CPSF3: variants seen among roughly 807,000 people sequenced by gnomAD.
The protein encoded by CPSF3 is cleavage and polyadenylation specificity factor subunit 3.
Under a neutral mutation model 84.1 loss-of-function variants are expected in CPSF3, and 57 were observed. The observed-to-expected ratio is 0.68, with a 90% CI of 0.55 to 0.85. The LOEUF is 0.85. Ranked by LOEUF, CPSF3 falls within the 40% of genes least tolerant of loss-of-function variation. CPSF3 has a pLI of 0.00. For synonymous variants in CPSF3, 275 were observed against 278.1 expected, an observed-to-expected ratio of 0.99 and a Z score of 0.11; for missense variants, 522 against 838.8, an observed-to-expected ratio of 0.62 and a Z score of 4.66.
chr2:9,428,878 G>A, intron 2 of CPSF3, 50 bp downstream of exon 2: 1 of 1,117,444 alleles, frequency 8.9e-7, no homozygotes, highest in South Asian at 1.3e-5. Context: ...TGTCTGTATT[G>A]GGTGTTAGTC....
chr2:9,432,641 C>A lies in CPSF3; in HGVS notation c.472C>A (p.His158Asn). The A allele has an allele frequency of 6.4e-7, 1 of 1,574,708 alleles. No individual in the cohort carries two copies. The highest frequency in any genetic ancestry group is 1.2e-5 in the South Asian group (1 of 86,388). Residue 158 changes from histidine to asparagine, a missense_variant, in exon 5 of 18, where the codon CAC (histidine) becomes AAC (asparagine). Around this residue, in one of 2 missense-constraint regions of CPSF3, gnomAD observed 329 missense variants for 607.2 expected, o/e 0.54. Transcript: ENST00000238112. ...GIKFWCYHAGHVLGAAMFMIE... is the reference protein window; with the variant it reads ...GIKFWCYHAGNVLGAAMFMIE... ...CAAGTTTTGGTGTTACCATGCAGGT[C>A]ACGTCCTAGGAGCCGCCATGTTCAT...
intron 15 of CPSF3, among the ~76,000 whole-genome samples, chr2:9,466,312 T>A (rs56313018): frequency 3.8e-4 from 20 of 52,180 alleles, no homozygotes; most frequent in African/African-American, 6.7e-4. Context: ...ACACGCACAC[T>A]GACGCACGCA....
chr2:9,444,163 T>TA (rs1681051098), intron 10 of CPSF3, among the ~76,000 whole-genome samples: 1 of 143,630 alleles, frequency 7.0e-6, no homozygotes, highest in Non-Finnish European at 1.5e-5. Flanking sequence ...TATATATTTT[T>TA]TTTTTTTTTG....
Position 9,429,927 on chromosome 2 carries a change from A to G in CPSF3, c.119A>G (p.Asp40Gly). The change falls in exon 3 of 18, where the codon GAC becomes GGC. Residue 40 changes from aspartate (D) to glycine (G), a missense_variant. By Grantham distance (94) the Asp-to-Gly change is moderately conservative. Transcript: ENST00000238112. ...LEFKGRKIMLDCGIHPGLEGM... is the reference protein window; with the variant it reads ...LEFKGRKIMLGCGIHPGLEGM... ...CTCTTTTCCTGTTTCTTTCAGCTCG[A>G]CTGTGGGATCCACCCTGGCCTAGAA... 1 of 1,592,980 alleles carries G rather than the reference A, an allele frequency of 6.3e-7. No individual in the cohort carries two copies. Among genetic ancestry groups the G allele is most frequent in the Non-Finnish European group, 8.5e-7 (1 of 1,171,284 alleles).
At chr2:9,431,855 G>T (rs67261055) in intron 4 of CPSF3, among the ~76,000 whole-genome samples, 45,558 of 151,942 alleles carry the variant, frequency 0.3, 7,743 homozygotes, top group Middle Eastern at 0.4. Context: ...CCAGCCGGGA[G>T]ATAAATATAT....
At chr2:9,436,773 A>AT (rs1363786151) in intron 7 of CPSF3, among the ~76,000 whole-genome samples, 16 of 146,756 alleles carry the variant, frequency 1.1e-4, no homozygotes, top group Admixed American at 2.0e-4. Context: ...TCCATCTCAA[A>AT]AAATAATAAT....
intron 11 of CPSF3, among the ~76,000 whole-genome samples, chr2:9,452,317 C>T (rs893171067): frequency 1.7e-4 from 24 of 139,274 alleles, no homozygotes; most frequent in African/African-American, 5.8e-4. Context: ...GACAGTGAGA[C>T]ACTGTCTCAA....
Position 9,443,535 on chromosome 2 carries a change from A to G in CPSF3, c.1116A>G (p.Glu372=). The change falls in exon 10 of 18, where the codon GAA becomes GAG. Residue 372 remains glutamate (E), a synonymous_variant. Coordinates refer to ENST00000238112, the MANE Select transcript of CPSF3 (RefSeq NM_016207.4). ...CACAGCACATCATGTCTGAACCTGA[A>G]GAAATCACTACTATGTCTGGACAGA... is the stretch of plus-strand genomic sequence containing the variant. The part of the protein sequence containing the change: ...TLAKHIMSEP[E]EITTMSGQKL... The G allele has an allele frequency of 6.2e-7, 1 of 1,613,790 alleles. No homozygotes were observed. Among genetic ancestry groups the G allele is most frequent in the Non-Finnish European group, 8.5e-7 (1 of 1,179,726 alleles).
At chr2:9,467,658 T>C (rs1333464867) in intron 15 of CPSF3, 49 bp from the exon 16 acceptor site, 3 of 1,365,450 alleles carry the variant, frequency 2.2e-6, no homozygotes, top group Non-Finnish European at 3.1e-6. Flanking sequence ...GAAATTATTC[T>C]GAATAGGAAT....
At chr2:9,466,366 ACACACCCACGCACTCGCACACACGCG>A (rs1681969903) in intron 15 of CPSF3, among the ~76,000 whole-genome samples, 1 of 146,294 alleles carries the variant, frequency 6.8e-6, no homozygotes, top group African/African-American at 2.5e-5. Flanking sequence ...ACACACACGC[ACACACCCACGCACTCGCACACACGCG>A]CACACACACG....
intron 15 of CPSF3, among the ~76,000 whole-genome samples, chr2:9,460,826 A>G (rs565897052): frequency 2.6e-5 from 4 of 151,892 alleles, no homozygotes; most frequent in African/African-American, 9.7e-5. Context: ...ACATGTTTTG[A>G]GCTGTGAGTC....
At chr2:9,448,560 T>TGTG (rs1558457863) in intron 11 of CPSF3, among the ~76,000 whole-genome samples, 4 of 151,894 alleles carry the variant, frequency 2.6e-5, no homozygotes, top group African/African-American at 9.7e-5. Context: ...ATTAGATTTT[T>TGTG]TGTGTGTGTG....
intron 15 of CPSF3, among the ~76,000 whole-genome samples, chr2:9,460,679 C>CTTTT (rs529125315): frequency 9.4e-5 from 13 of 137,694 alleles, no homozygotes; most frequent in East Asian, 2.1e-4. Flanking sequence ...TTCTTTCTTT[C>CTTTT]TTTTTTTTTT....
intron 8 of CPSF3, 71 bp from the exon 9 acceptor site, chr2:9,441,747 T>C: frequency 6.7e-7 from 1 of 1,484,990 alleles, no homozygotes; most frequent in Non-Finnish European, 9.3e-7. Flanking sequence ...TTTGTTATTC[T>C]TTAAAAAGAA....
intron 15 of CPSF3, among the ~76,000 whole-genome samples, chr2:9,459,922 A>G (rs1033677589): frequency 3.9e-5 from 6 of 151,994 alleles, no homozygotes; most frequent in Admixed American, 3.9e-4. Flanking sequence ...TGCTGGGATT[A>G]CAAGTGTGAG....
intron 15 of CPSF3, among the ~76,000 whole-genome samples, chr2:9,462,506 G>C (rs1036889793): frequency 1.3e-5 from 2 of 152,164 alleles, no homozygotes; most frequent in African/African-American, 4.8e-5. Flanking sequence ...CAGAGATGTT[G>C]TCAGGATGTC....
At chr2:9,454,254 A>G (rs996745963) in intron 12 of CPSF3, among the ~76,000 whole-genome samples, 1 of 151,944 alleles carries the variant, frequency 6.6e-6, no homozygotes, top group Non-Finnish European at 1.5e-5. Context: ...CTAAAAATAC[A>G]AAAATTAGCT....
intron 10 of CPSF3, 58 bp from the exon 11 acceptor site, chr2:9,448,140 G>T (rs1203407209): frequency 1.1e-6 from 1 of 932,106 alleles, no homozygotes; most frequent in Non-Finnish European, 1.6e-6. Context: ...TCAACTTAAG[G>T]ACCATGATTA....
chr2:9,471,775 TC>T lies in CPSF3; in HGVS notation c.1953+338del, dbSNP rs1479009369. Among the ~76,000 whole-genome samples the T allele has an allele frequency of 2.0e-5, 3 of 151,674 alleles. No homozygotes were observed. The South Asian group carries it at 6.2e-4, about 32-fold the overall frequency. ...CGCTCTTCTGTTTGCACCAGCAAGATCCAAGTGGATTTTCCAAACAGTTCAA... is the reference window on the plus strand; with the variant it reads ...CGCTCTTCTGTTTGCACCAGCAAGATCAAGTGGATTTTCCAAACAGTTCAA... On this transcript the variant is annotated intron_variant, in intron 17 of 17. Transcript: ENST00000238112.
Sources: allele counts gnomAD v4.1 joint callset (sites outside exome capture counted in the v4.1 genomes callset), GRCh38; gene constraint gnomAD v4.1.1; regional missense constraint gnomAD v4.1.1; transcripts MANE v1.5; gene names NCBI Gene and HGNC (gene_info 2026-07-23, HGNC 2026-07-21).